Variants in TTLL6 observed in about 807,000 individuals in gnomAD.
The protein encoded by TTLL6 is tubulin polyglutamylase TTLL6.
A neutral mutation model predicts 96.4 loss-of-function variants in TTLL6; 75 were observed. That is an observed-to-expected ratio of 0.78 (90% confidence interval 0.65 to 0.94). The LOEUF (loss-of-function observed/expected upper bound fraction) is 0.94. Ranked by LOEUF, TTLL6 falls within the 40% of genes least tolerant of loss-of-function variation. TTLL6 has a pLI of 0.00. For synonymous variants in TTLL6, 411 were observed against 419.4 expected, an observed-to-expected ratio of 0.98 and a Z score of 0.24; for missense variants, 1,030 against 1,093.0, an observed-to-expected ratio of 0.94 and a Z score of 0.81.
chr17:48,813,953 G>T (rs1403223392), intron 1 of TTLL6, among the ~76,000 whole-genome samples: 1 of 152,118 alleles, frequency 6.6e-6, no homozygotes, highest in Non-Finnish European at 1.5e-5. Context: ...CCAGCTTCCT[G>T]GTCCCCAAGT....
At chr17:48,816,848 G>A in intron 1 of TTLL6, 122 bp downstream of exon 1, 1 of 666,838 alleles carries the variant, frequency 1.5e-6, no homozygotes, top group Non-Finnish European at 2.3e-6. Context: ...GGAGGGCAGC[G>A]GGCTACCCTG....
At chr17:48,796,982 G>T in intron 7 of TTLL6, 79 bp downstream of exon 7, 1 of 1,414,772 alleles carries the variant, frequency 7.1e-7, no homozygotes. Context: ...ATGTCTTGAG[G>T]ATGTGGATTT....
At chr17:48,778,568 G>A (rs1323925894) in intron 13 of TTLL6, among the ~76,000 whole-genome samples, 1 of 151,630 alleles carries the variant, frequency 6.6e-6, no homozygotes, top group Non-Finnish European at 1.5e-5. Flanking sequence ...GGCTGAGGTG[G>A]GAGGATTGCT....
intron 12 of TTLL6, 85 bp downstream of exon 12, chr17:48,786,079 C>T: frequency 6.4e-7 from 1 of 1,570,108 alleles, no homozygotes; most frequent in African/African-American, 1.4e-5. Flanking sequence ...GGGCTCTGAG[C>T]AGTGGTCTCC....
chr17:48,798,674 G>T (rs1597992494), intron 6 of TTLL6, among the ~76,000 whole-genome samples: 1 of 152,094 alleles, frequency 6.6e-6, no homozygotes, highest in East Asian at 1.9e-4. Flanking sequence ...ACGAGTTTGA[G>T]GTTGCAATGA....
Position 48,797,135 on chromosome 17 carries a change from T to C in TTLL6, c.838A>G (p.Arg280Gly). The C allele has an allele frequency of 6.4e-7, 1 of 1,551,658 alleles. No individual in the cohort carries two copies. The highest frequency in any genetic ancestry group is 8.7e-7 in the Non-Finnish European group (1 of 1,146,996). Residue 280 changes from arginine to glycine, a missense_variant, in exon 7 of 16, where the codon AGG becomes GGG. Physicochemically the swap from Arg to Gly is moderately radical, Grantham distance 125. Coordinates refer to ENST00000393382, the MANE Select transcript of TTLL6 (RefSeq NM_001130918.3). ...AGTCCTTCATTGTACACAAAAATCC[T>C]GAGAGGGTCACAGGATGTCACCAGT... is the stretch of plus-strand genomic sequence containing the variant. ...YVLVTSCDPLRIFVYNEGLAR... is the reference protein window; with the variant it reads ...YVLVTSCDPLGIFVYNEGLAR...
chr17:48,787,819 C>T lies in TTLL6; in HGVS notation c.1581G>A (p.Glu527=), dbSNP rs201516203. The T allele has an allele frequency of 1.9e-6, 3 of 1,613,714 alleles. No homozygotes were observed. Among genetic ancestry groups the T allele is most frequent in the Non-Finnish European group, 1.7e-6 (2 of 1,179,830 alleles). Residue 527 remains glutamate (E), a synonymous_variant, in exon 11 of 16, where the codon GAG becomes GAA. Coordinates refer to ENST00000393382, the MANE Select transcript of TTLL6 (RefSeq NM_001130918.3). ...CCCGGATGTCTTCCTACCGGGCATA[C>T]TCCTCCCGAGCCCTGGAAGCAACAG... ...QNTVASRARE[E]YARQLIQELR... is the part of the protein sequence containing the mutation.
intron 10 of TTLL6, among the ~76,000 whole-genome samples, chr17:48,788,840 C>T (rs2039160594): frequency 6.6e-6 from 1 of 152,196 alleles, no homozygotes; most frequent in South Asian, 2.1e-4. Flanking sequence ...AAACACTGTG[C>T]CATCCAAACA....
At chr17:48,794,124 G>T (rs536625122) in intron 8 of TTLL6, 9 of 1,596,152 alleles carry the variant, frequency 5.6e-6, no homozygotes, top group Non-Finnish European at 7.7e-6. Flanking sequence ...AAGTACAGTG[G>T]GGTGAGAGGG....
chr17:48,790,056 C>T lies in TTLL6; in HGVS notation c.1275G>A (p.Val425=), dbSNP rs927102344. The part of the protein sequence containing the change: ...FSTDSRLDKE[V]KDGLLYDTLV... ...AGGTGTCATACAGCAGACCATCTTT[C>T]ACCTCTTTATCCAACCGAGAGTCGG... is the stretch of plus-strand genomic sequence containing the variant. The change falls in exon 10 of 16, where the codon GTG becomes GTA. Residue 425 remains valine (V), a synonymous_variant. Transcript: ENST00000393382. The T allele has an allele frequency of 2.5e-6, 4 of 1,614,204 alleles. No individual in the cohort carries two copies. Among genetic ancestry groups the T allele is most frequent in the Middle Eastern group, 1.6e-4 (1 of 6,062 alleles).
At chr17:48,815,435 T>C (rs562795705) in intron 1 of TTLL6, 1 of 152,292 alleles carries the variant, frequency 6.6e-6, no homozygotes, top group South Asian at 2.1e-4. Context: ...GAAGAAAAGA[T>C]GTGGAGGTAA....
chr17:48,816,948 C>T (rs556604512), intron 1 of TTLL6, 22 bp downstream of exon 1: 2 of 1,509,364 alleles, frequency 1.3e-6, no homozygotes, highest in African/African-American at 2.8e-5. Context: ...GGAGCCAGCA[C>T]CGGGCTTTGG....
chr17:48,782,590 G>C (rs2039010783), intron 13 of TTLL6, among the ~76,000 whole-genome samples: 1 of 152,146 alleles, frequency 6.6e-6, no homozygotes, highest in Admixed American at 6.5e-5. Context: ...TGCTTTTAGT[G>C]GCATATGCCC....
intron 13 of TTLL6, among the ~76,000 whole-genome samples, chr17:48,782,171 T>C (rs2038999155): frequency 6.6e-6 from 1 of 150,388 alleles, no homozygotes. Context: ...AGTGGCATGA[T>C]CTCAGCTCAC....
At chr17:48,774,252 T>TTTTTTTTAAA in intron 13 of TTLL6, among the ~76,000 whole-genome samples, 1 of 98,470 alleles carries the variant, frequency 1.0e-5, no homozygotes, top group Non-Finnish European at 2.3e-5. Context: ...TTTTTTTTTT[T>TTTTTTTTAAA]GAGACGGAGT....
chr17:48,782,729 T>C (rs1198082325), intron 13 of TTLL6, among the ~76,000 whole-genome samples: 1 of 152,170 alleles, frequency 6.6e-6, no homozygotes, highest in African/African-American at 2.4e-5. Context: ...TTTCTTTTTT[T>C]TTGAGACAGA....
intron 1 of TTLL6, among the ~76,000 whole-genome samples, chr17:48,813,029 C>T (rs2039616982): frequency 6.6e-6 from 1 of 152,112 alleles, no homozygotes; most frequent in East Asian, 1.9e-4. Context: ...CTCATAATAA[C>T]CTATCATGGA....
intron 13 of TTLL6, among the ~76,000 whole-genome samples, chr17:48,781,873 C>G (rs1184984941): frequency 6.6e-6 from 1 of 152,146 alleles, no homozygotes; most frequent in African/African-American, 2.4e-5. Flanking sequence ...TAGCTCCTTC[C>G]ACTGTGTGAG....
rs779748227 is a variant in TTLL6, at chr17:48,804,764, A to G, written c.323+8T>C. ...ATGGCTCCCCATTCCCCAGCTTTCA[A>G]TCCTAACCTCTTTTTCTTCCTCTTC... is the stretch of plus-strand genomic sequence containing the variant. On this transcript the variant is annotated splice_region_variant and intron_variant, in intron 2 of 15. Coordinates refer to ENST00000393382, the MANE Select transcript of TTLL6 (RefSeq NM_001130918.3). 2.9e-5 allele frequency: 45 copies of G among 1,551,426 alleles called. No individual in the cohort carries two copies. Among genetic ancestry groups the G allele is most frequent in the Non-Finnish European group, 3.6e-5 (41 of 1,146,880 alleles).
Sources: gnomAD v4.1 joint callset for allele counts (sites outside exome capture counted in the v4.1 genomes callset) on GRCh38, gnomAD v4.1.1 for gene constraint, MANE v1.5 for transcripts, NCBI Gene and HGNC (gene_info 2026-07-23, HGNC 2026-07-21) for gene names.